Variants in ZNF609 observed in about 807,000 individuals in gnomAD.
ZNF609 encodes zinc finger protein 609.
ZNF609 carries 11 observed loss-of-function variants against 109.5 expected under a neutral mutation model. The ratio of observed to expected loss-of-function variants is 0.10; its 90% confidence interval spans 0.06 to 0.17. The LOEUF (loss-of-function observed/expected upper bound fraction) is 0.17, where lower values mean the gene tolerates loss of function less well. Among genes scored for constraint, ZNF609 ranks in the 10% least tolerant of loss-of-function variants. The pLI, the probability that ZNF609 is intolerant of heterozygous loss-of-function variation, is 1.00. For synonymous variants in ZNF609, 646 were observed against 662.0 expected (o/e 0.98, Z 0.37); for missense variants, 1,559 against 1,772.4 (o/e 0.88, Z 2.16).
intron 1 of ZNF609, among the ~76,000 whole-genome samples, chr15:64,484,674 TC>T (rs1893305949): frequency 8.9e-5 from 1 of 11,252 alleles, no homozygotes. Context: ...AGACTCTGTC[TC>T]AAAAAAAAAA....
At chr15:64,619,870 T>C (rs1895853365) in intron 2 of ZNF609, among the ~76,000 whole-genome samples, 1 of 152,240 alleles carries the variant, frequency 6.6e-6, no homozygotes, top group African/African-American at 2.4e-5. Context: ...AGGTGTTGTT[T>C]TCTGGATTTC....
At chr15:64,540,052 T>C (rs535038998) in intron 2 of ZNF609, among the ~76,000 whole-genome samples, 71 of 152,302 alleles carry the variant, frequency 4.7e-4, no homozygotes, top group African/African-American at 1.6e-3. Context: ...GGATTACAGG[T>C]GTGAACCAGC....
chr15:64,493,922 C>G (rs1321172764), intron 1 of ZNF609, among the ~76,000 whole-genome samples: 1 of 152,146 alleles, frequency 6.6e-6, no homozygotes, highest in Non-Finnish European at 1.5e-5. Flanking sequence ...CTGTAGGGAG[C>G]AGATGGGAAG....
Position 64,670,404 on chromosome 15 carries a change from C to T in ZNF609, c.1032C>T (p.Asp344=), listed in dbSNP as rs748975474. The change falls in exon 4 of 10, where the codon GAC becomes GAT. Residue 344 remains aspartate, a synonymous_variant. Transcript: ENST00000326648. ...RNKTYVGTLL[D]CTRHDWAPPR... is the part of the protein sequence containing the mutation. Reference sequence around the variant, plus strand: ...AGACATATGTAGGTACACTCCTTGACTGCACACGACATGATTGGGCACCCC... The same window carrying T: ...AGACATATGTAGGTACACTCCTTGATTGCACACGACATGATTGGGCACCCC... 6.2e-7 allele frequency: 1 copy of T among 1,614,162 alleles called. No homozygotes were observed.
At chr15:64,473,191 CTT>C (rs951319279) in intron 1 of ZNF609, among the ~76,000 whole-genome samples, 5 of 76,072 alleles carry the variant, frequency 6.6e-5, no homozygotes, top group African/African-American at 3.3e-4. Flanking sequence ...ATATTTGGTT[CTT>C]TTTTTTTTTT....
intron 3 of ZNF609, among the ~76,000 whole-genome samples, chr15:64,634,207 CCT>C (rs1428468984): frequency 6.6e-6 from 1 of 152,036 alleles, no homozygotes; most frequent in East Asian, 1.9e-4. Context: ...TACTCTGGCC[CCT>C]GTTACCCAGG....
chr15:64,550,130 T>G lies in ZNF609; in HGVS notation c.747+49964T>G, dbSNP rs547593669. On this transcript the variant is annotated intron_variant, in intron 2 of 9. Coordinates refer to ENST00000326648, the MANE Select transcript of ZNF609 (RefSeq NM_015042.2). ...CCACACCCAGCTAATTTTTTTCTGT[T>G]TTTTTGTAGAAATGGGGTCTCACAG... 3.9e-5 allele frequency among the ~76,000 whole-genome samples: 6 copies of G among 152,066 alleles called. No homozygotes were observed. The South Asian group carries it at 1.2e-3, about 32-fold the overall frequency.
intron 3 of ZNF609, among the ~76,000 whole-genome samples, chr15:64,627,694 G>A (rs1467581856): frequency 3.3e-5 from 4 of 122,150 alleles, no homozygotes; most frequent in African/African-American, 1.1e-4. Context: ...TTGAGACAGG[G>A]TCAAGCTGTG....
At chr15:64,667,574 A>G (rs1470869072) in intron 3 of ZNF609, among the ~76,000 whole-genome samples, 1 of 151,828 alleles carries the variant, frequency 6.6e-6, no homozygotes, top group African/African-American at 2.4e-5. Flanking sequence ...TAGCCCGGGC[A>G]TGGTGGCACC....
At chr15:64,544,834 T>C (rs1391412001) in intron 2 of ZNF609, among the ~76,000 whole-genome samples, 1 of 152,214 alleles carries the variant, frequency 6.6e-6, no homozygotes, top group African/African-American at 2.4e-5. Context: ...TAAAGGGCGT[T>C]TGGTTTTCAG....
intron 2 of ZNF609, among the ~76,000 whole-genome samples, chr15:64,525,429 G>A (rs561444160): frequency 6.6e-6 from 1 of 152,082 alleles, no homozygotes; most frequent in Non-Finnish European, 1.5e-5. Flanking sequence ...GTTTTGTTCC[G>A]TTGATCAACA....
intron 2 of ZNF609, among the ~76,000 whole-genome samples, chr15:64,536,269 A>C (rs1894141987): frequency 1.3e-5 from 2 of 152,150 alleles, no homozygotes; most frequent in Admixed American, 1.3e-4. Flanking sequence ...TGACCCTCTC[A>C]TCTCAGCCTC....
At chr15:64,595,266 C>T (rs1256301792) in intron 2 of ZNF609, among the ~76,000 whole-genome samples, 1 of 149,950 alleles carries the variant, frequency 6.7e-6, no homozygotes, top group African/African-American at 2.5e-5. Flanking sequence ...GAGGCTGAGG[C>T]AGGAGAATCA....
At chr15:64,622,512 A>C (rs1276817571) in intron 2 of ZNF609, among the ~76,000 whole-genome samples, 1 of 152,170 alleles carries the variant, frequency 6.6e-6, no homozygotes, top group Non-Finnish European at 1.5e-5. Flanking sequence ...TTCATTAGAG[A>C]CTTTTTAATG....
chr15:64,486,174 G>A (rs1049201113), intron 1 of ZNF609, among the ~76,000 whole-genome samples: 2 of 152,030 alleles, frequency 1.3e-5, no homozygotes, highest in African/African-American at 2.4e-5. Context: ...ACCTGTTAAG[G>A]GAATACAGGA....
In ZNF609 at chr15:64,543,875, G is replaced by A. The variant is rs772731209; in HGVS notation, c.747+43709G>A. ...ATTTATCACACCATACAATATGATC[G>A]AATTCTTTTCCACCTAGATTGGAAG... is the stretch of plus-strand genomic sequence containing the variant. On this transcript the variant is annotated intron_variant, in intron 2 of 9. Transcript: ENST00000326648. 1.5e-4 allele frequency among the ~76,000 whole-genome samples: 23 copies of A among 152,028 alleles called. 2 individuals carry two copies. Among genetic ancestry groups the A allele is most frequent in the Admixed American group, 1.0e-3 (16 of 15,260 alleles).
Position 64,671,083 on chromosome 15 carries a change from G to A in ZNF609, c.1061+650G>A, listed in dbSNP as rs539831041. Reference sequence around the variant, plus strand: ...AAATTAGCCGGGCGTGGTGGCGAGCGTTTGTAGTCCCAGCTACTCGGGAGG... The same window carrying A: ...AAATTAGCCGGGCGTGGTGGCGAGCATTTGTAGTCCCAGCTACTCGGGAGG... On this transcript the variant is annotated intron_variant, in intron 4 of 9. Coordinates refer to ENST00000326648, the MANE Select transcript of ZNF609 (RefSeq NM_015042.2). Among the ~76,000 whole-genome samples the A allele has an allele frequency of 7.3e-5, 11 of 150,814 alleles. No homozygotes were observed. The South Asian group carries it at 8.4e-4, about 11-fold the overall frequency.
In ZNF609 at chr15:64,674,806, A is replaced by G; in HGVS notation, c.1952A>G (p.Lys651Arg). The G allele has an allele frequency of 3.7e-6, 6 of 1,614,160 alleles. No homozygotes were observed. Among genetic ancestry groups the G allele is most frequent in the Non-Finnish European group, 5.1e-6 (6 of 1,180,016 alleles). ...TTAAAACCTGAAAAGATTCCTTCCA[A>G]GAGCCTAAAGTCAGCCCGTCCCATT... ...SSLKPEKIPS[K>R]SLKSARPIAP... The change falls in exon 5 of 10, where the codon AAG becomes AGG. Residue 651 changes from lysine (K) to arginine (R), a missense_variant. By Grantham distance (26) the Lys-to-Arg change is conservative. This residue lies in a region of ZNF609 where 1,204 missense variants were observed against 1,314.1 expected (regional missense o/e 0.92). Coordinates refer to ENST00000326648, the MANE Select transcript of ZNF609 (RefSeq NM_015042.2).
chr15:64,653,483 A>G (rs1437748361), intron 3 of ZNF609, among the ~76,000 whole-genome samples: 1 of 152,128 alleles, frequency 6.6e-6, no homozygotes, highest in Non-Finnish European at 1.5e-5. Flanking sequence ...CATCTCTACT[A>G]AAAATACAAA....
Sources: allele counts gnomAD v4.1 joint callset (sites outside exome capture counted in the v4.1 genomes callset), GRCh38; gene constraint gnomAD v4.1.1; regional missense constraint gnomAD v4.1.1; transcripts MANE v1.5; gene names NCBI Gene and HGNC (gene_info 2026-07-23, HGNC 2026-07-21).